The following PCDHGB2 variants were observed in gnomAD, a reference collection of about 807,000 sequenced individuals.
PCDHGB2 encodes protocadherin gamma-B2.
A neutral mutation model predicts 59.3 loss-of-function variants in PCDHGB2; 55 were observed. The observed-to-expected ratio is 0.93, with a 90% CI of 0.75 to 1.16. The LOEUF is 1.16. PCDHGB2 is among the 50% of genes most tolerant of loss of function. The pLI is 0.00. For missense variants in PCDHGB2, 1,228 were observed against 1,198.5 expected (o/e 1.02, Z -0.36); for synonymous variants, 516 against 512.0 (o/e 1.01, Z -0.11).
Position 141,362,349 on chromosome 5 carries a change from G to T in PCDHGB2, c.2214G>T (p.Gly738=), listed in dbSNP as rs765171901. The T allele has an allele frequency of 6.2e-7, 1 of 1,613,918 alleles. No individual in the cohort carries two copies. Among genetic ancestry groups the T allele is most frequent in the Non-Finnish European group, 8.5e-7 (1 of 1,179,912 alleles). ...GTCTCAGCTCCAAGCCTGGACCTGG[G>T]GTTCTCCCCAATTACAGTGAGGGTA... The part of the protein sequence containing the change: ...QPGLSSKPGP[G]VLPNYSEGTL... Residue 738 remains glycine, a synonymous_variant, in exon 1 of 4, where the codon GGG becomes GGT. Transcript: ENST00000522605.
intron 1 of PCDHGB2, chr5:141,400,528 A>T (rs764084750): frequency 1.9e-6 from 3 of 1,613,868 alleles, no homozygotes; most frequent in Non-Finnish European, 2.5e-6. Context: ...TGAGTTGGTG[A>T]GTTTCATTTA....
At chr5:141,388,893 G>C in intron 1 of PCDHGB2, 2 of 1,613,982 alleles carry the variant, frequency 1.2e-6, no homozygotes, top group South Asian at 2.2e-5. Flanking sequence ...AGAAGTCATA[G>C]ATGAAAATGA....
At chr5:141,418,512 G>C (rs776986277) in intron 1 of PCDHGB2, 1 of 1,613,966 alleles carries the variant, frequency 6.2e-7, no homozygotes, top group Non-Finnish European at 8.5e-7. Context: ...TTAGATGGTG[G>C]GGACCCTCCC....
chr5:141,510,916 G>C (rs1044988697), intron 3 of PCDHGB2, 31 bp from the exon 4 acceptor site: 2 of 1,613,714 alleles, frequency 1.2e-6, no homozygotes, highest in African/African-American at 1.3e-5. Flanking sequence ...CCTAAGTTTA[G>C]CTCCCACCTG....
intron 1 of PCDHGB2, among the ~76,000 whole-genome samples, chr5:141,444,006 G>T (rs1279816416): frequency 2.0e-5 from 3 of 152,012 alleles, no homozygotes; most frequent in Non-Finnish European, 4.4e-5. Flanking sequence ...TGCTACCTGG[G>T]TATTGGCTTC....
intron 1 of PCDHGB2, among the ~76,000 whole-genome samples, chr5:141,369,150 T>C (rs1766058154): frequency 6.6e-6 from 1 of 152,222 alleles, no homozygotes; most frequent in Non-Finnish European, 1.5e-5. Flanking sequence ...TGGCATGTTA[T>C]TGACCAGGGA....
chr5:141,389,975 C>A (rs1318416407), intron 1 of PCDHGB2: 1 of 1,614,060 alleles, frequency 6.2e-7, no homozygotes, highest in Non-Finnish European at 8.5e-7. Flanking sequence ...TGGCCTTGAT[C>A]TCAGTGCTCT....
At chr5:141,422,202 T>C (rs1272540004) in intron 1 of PCDHGB2, 1 of 1,561,656 alleles carries the variant, frequency 6.4e-7, no homozygotes, top group Admixed American at 2.0e-5. Flanking sequence ...GCCAAGATGG[T>C]GGAGGTCTCT....
In PCDHGB2 at chr5:141,423,579, G is replaced by A. The variant is rs760902886; in HGVS notation, c.2421+61023G>A. 6 of 1,613,378 alleles carry A rather than the reference G, an allele frequency of 3.7e-6. No homozygotes were observed. In the East Asian group the frequency reaches 1.3e-4, roughly 36 times the overall value. ...ATGGGGACACGCTCATCAGCCAGGA[G>A]AGCTGTGAGAAAAGCGAGCCACTCT... On this transcript the variant is annotated intron_variant, in intron 1 of 3. Transcript: ENST00000522605.
intron 1 of PCDHGB2, chr5:141,427,689 A>C (rs3749765): frequency 0.15 from 132,103 of 873,882 alleles, 11,769 homozygotes; most frequent in African/African-American, 0.33. Flanking sequence ...CGGAGCCTCC[A>C]TCCCACAAGT....
intron 1 of PCDHGB2, chr5:141,393,065 G>C (rs980151183): frequency 6.2e-7 from 1 of 1,613,646 alleles, no homozygotes; most frequent in African/African-American, 1.3e-5. Context: ...GCGGCAGCTT[G>C]ATCACCGCGG....
In PCDHGB2 at chr5:141,382,895, CG is replaced by C. The variant is rs746416348; in HGVS notation, c.2421+20340del. 5.9e-6 allele frequency: 9 copies of C among 1,536,084 alleles called. No individual in the cohort carries two copies. In the Admixed American group the frequency reaches 1.9e-4, roughly 33 times the overall value. On this transcript the variant is annotated intron_variant, in intron 1 of 3. Transcript: ENST00000522605. ...CGGCGCCTAAGCAAGAGAAGCAGGA[CG>C]ACTATGGCGGCTCAGCCGAGGGGCG...
intron 1 of PCDHGB2, chr5:141,384,825 CG>C (rs1780562640): frequency 1.2e-6 from 2 of 1,613,472 alleles, no homozygotes; most frequent in Non-Finnish European, 1.7e-6. Context: ...AGCAGAGCCT[CG>C]TGGTGGCCGT....
In PCDHGB2 at chr5:141,491,049, G is replaced by A. The variant is rs369146505; in HGVS notation, c.2422-3758G>A. Reference sequence around the variant, plus strand: ...TGGATGCTGATGCAGGCCACAATGCGTGGCTCTCCTACTCACTGTTGCCAC... The same window carrying A: ...TGGATGCTGATGCAGGCCACAATGCATGGCTCTCCTACTCACTGTTGCCAC... On this transcript the variant is annotated intron_variant, in intron 1 of 3. Coordinates refer to ENST00000522605, the MANE Select transcript of PCDHGB2 (RefSeq NM_018923.3). This position sits in a 1 kb window ranked among gnomAD's most constrained non-coding sequence, Gnocchi z 6.9. The A allele has an allele frequency of 3.3e-5, 53 of 1,614,116 alleles. No individual in the cohort carries two copies. The African/African-American group carries it at 5.5e-4, about 17-fold the overall frequency.
chr5:141,415,740 GTTTTTTTTT>G (rs57426385), intron 1 of PCDHGB2: 9,508 of 621,550 alleles, frequency 0.015, 13 homozygotes, highest in Non-Finnish European at 0.016. Context: ...GTTTATTAAG[GTTTTTTTTT>G]TTTTTTTTTT....
chr5:141,382,567 T>G (rs1778294618), intron 1 of PCDHGB2, among the ~76,000 whole-genome samples: 1 of 152,132 alleles, frequency 6.6e-6, no homozygotes, highest in African/African-American at 2.4e-5. Context: ...AGCAAAGAAA[T>G]CTAACAGGGA....
Position 141,431,663 on chromosome 5 carries a change from T to G in PCDHGB2, c.2422-63144T>G, listed in dbSNP as rs2097405149. ...ACTAGATTGTAATTCAGGGACAATA[T>G]CAACAATAGGGGAGTTGGACCACGA... On this transcript the variant is annotated intron_variant, in intron 1 of 3. Coordinates refer to ENST00000522605, the MANE Select transcript of PCDHGB2 (RefSeq NM_018923.3). The surrounding 1 kb of genome is among the most constrained non-coding windows in gnomAD (Gnocchi z 4.8). The G allele has an allele frequency of 6.2e-7, 1 of 1,614,168 alleles. No individual in the cohort carries two copies.
intron 1 of PCDHGB2, chr5:141,408,227 C>G (rs771279344): frequency 1.9e-6 from 3 of 1,562,978 alleles, no homozygotes; most frequent in East Asian, 2.4e-5. Context: ...CGCGCAGAGG[C>G]GCCGGGCCGG....
At chr5:141,368,564 A>G (rs1368053393) in intron 1 of PCDHGB2, among the ~76,000 whole-genome samples, 1 of 152,176 alleles carries the variant, frequency 6.6e-6, no homozygotes, top group African/African-American at 2.4e-5. Flanking sequence ...AAAATGTTAT[A>G]TGCTTCTTAG....
Sources: gnomAD v4.1 joint callset for allele counts (sites outside exome capture counted in the v4.1 genomes callset) on GRCh38, gnomAD v4.1.1 for gene constraint, Gnocchi (gnomAD v3.1) non-coding constraint, MANE v1.5 for transcripts, NCBI Gene and HGNC (gene_info 2026-07-23, HGNC 2026-07-21) for gene names.